The following PHF24 variants were observed in gnomAD, a reference collection of about 807,000 sequenced individuals.
The protein encoded by PHF24 is PHD finger protein 24.
A neutral mutation model predicts 42.6 loss-of-function variants in PHF24; 25 were observed. The observed-to-expected ratio is 0.59, with a 90% CI of 0.43 to 0.82. The LOEUF is 0.82. Among genes scored for constraint, PHF24 ranks in the 40% least tolerant of loss-of-function variants. The pLI, the probability that PHF24 is intolerant of heterozygous loss-of-function variation, is 0.00. For synonymous variants in PHF24, 185 were observed against 204.8 expected (o/e 0.90, Z 0.83); for missense variants, 470 against 538.1 (o/e 0.87, Z 1.25).
At chr9:34,909,470 A>G in the PHF24 span, among the ~76,000 whole-genome samples, 2,848 of 151,634 alleles carry the variant, frequency 0.019, 76 homozygotes, top group Middle Eastern at 0.096. Flanking sequence ...CAATTCCTGT[A>G]TGGTTTCTCA....
exon 8 of PHF24, chr9:34,979,558 G>C (rs1441370565): frequency 1.3e-5 from 2 of 152,282 alleles, no homozygotes; most frequent in South Asian, 2.1e-4. Flanking sequence ...AGCGAGATCT[G>C]ACTACCAAGA....
the PHF24 span, among the ~76,000 whole-genome samples, chr9:34,822,840 T>C: frequency 2.0e-5 from 3 of 152,096 alleles, no homozygotes; most frequent in Admixed American, 6.5e-5. Flanking sequence ...AGAAGAGCCA[T>C]GTGGATCTAT....
At chr9:34,836,860 TG>T in the PHF24 span, among the ~76,000 whole-genome samples, 1 of 152,226 alleles carries the variant, frequency 6.6e-6, no homozygotes, top group East Asian at 1.9e-4. Context: ...TCAGAACTAC[TG>T]TGACCCTGCC....
the PHF24 span, among the ~76,000 whole-genome samples, chr9:34,689,270 G>A: frequency 6.6e-6 from 1 of 152,260 alleles, no homozygotes; most frequent in African/African-American, 2.4e-5. This position sits in a 1 kb window ranked among gnomAD's most constrained non-coding sequence, Gnocchi z 4.1. Context: ...GGCATGAGAC[G>A]CTGGCTCATT....
chr9:34,677,645 G>A, the PHF24 span, among the ~76,000 whole-genome samples: 2 of 152,052 alleles, frequency 1.3e-5, no homozygotes, highest in Non-Finnish European at 2.9e-5. Flanking sequence ...TGATCCACCC[G>A]CCTGGGCCTC....
At chr9:34,815,362 A>T in the PHF24 span, among the ~76,000 whole-genome samples, 3 of 152,124 alleles carry the variant, frequency 2.0e-5, no homozygotes, top group Non-Finnish European at 2.9e-5. Context: ...TCGCTCTGTC[A>T]CCCAGGCTGG....
At chr9:34,826,843 C>G in the PHF24 span, among the ~76,000 whole-genome samples, 1 of 152,178 alleles carries the variant, frequency 6.6e-6, no homozygotes, top group Non-Finnish European at 1.5e-5. Context: ...GTAGTAAATT[C>G]TTGAGTTTAT....
At chr9:34,978,230 A>G in exon 8 of PHF24, 1 of 718,754 alleles carries the variant, frequency 1.4e-6, no homozygotes, top group South Asian at 1.6e-5. Flanking sequence ...CCAGCGTCTT[A>G]ACTTGTCACT....
the PHF24 span, among the ~76,000 whole-genome samples, chr9:34,691,559 A>G: frequency 0.21 from 31,846 of 152,158 alleles, 3,521 homozygotes; most frequent in South Asian, 0.25. Context: ...TGCATCATCA[A>G]CCATGAAGCT....
At chr9:34,975,144 T>C (rs926354083) in intron 3 of PHF24, among the ~76,000 whole-genome samples, 1 of 152,062 alleles carries the variant, frequency 6.6e-6, no homozygotes, top group African/African-American at 2.4e-5. Flanking sequence ...CCTTTTGCCC[T>C]CAGAATAAAG....
chr9:34,785,827 A>G, the PHF24 span, among the ~76,000 whole-genome samples: 380 of 152,280 alleles, frequency 2.5e-3, 1 homozygote, highest in African/African-American at 8.2e-3. Context: ...GTTTCTTTCT[A>G]AAGAGACATT....
the PHF24 span, among the ~76,000 whole-genome samples, chr9:34,756,650 C>T: frequency 2.0e-5 from 3 of 152,086 alleles, no homozygotes; most frequent in Non-Finnish European, 4.4e-5. Context: ...CAGTGTGATG[C>T]CTCCAGCTTT....
chr9:34,851,311 T>G, the PHF24 span, among the ~76,000 whole-genome samples: 2 of 152,056 alleles, frequency 1.3e-5, no homozygotes, highest in Admixed American at 6.5e-5. Flanking sequence ...AATGGCGGGC[T>G]CCCCTCCCCC....
At chr9:34,724,504 C>A in the PHF24 span, 1 of 1,551,666 alleles carries the variant, frequency 6.4e-7, no homozygotes, top group East Asian at 2.4e-5. Flanking sequence ...GTTCCCTGGA[C>A]TTCCTTGCCC....
the PHF24 span, chr9:34,917,962 A>G: frequency 1.3e-6 from 2 of 1,502,656 alleles, no homozygotes; most frequent in Admixed American, 1.7e-5. Flanking sequence ...GCCATGTGGG[A>G]GGAGAATGGT....
At chr9:34,853,994 A>G in the PHF24 span, among the ~76,000 whole-genome samples, 1 of 151,930 alleles carries the variant, frequency 6.6e-6, no homozygotes, top group Non-Finnish European at 1.5e-5. Context: ...TTTCCTCCTA[A>G]TTTAGTCTTG....
chr9:34,969,777 T>G (rs1207773583), intron 1 of PHF24, among the ~76,000 whole-genome samples: 1 of 152,246 alleles, frequency 6.6e-6, no homozygotes, highest in East Asian at 1.9e-4. Flanking sequence ...TTATTCCTGC[T>G]ATCATCATTT....
At chr9:34,829,231 T>C in the PHF24 span, among the ~76,000 whole-genome samples, 82,136 of 152,014 alleles carry the variant, frequency 0.54, 22,909 homozygotes, top group Non-Finnish European at 0.61. Context: ...TGGAATTGCC[T>C]TTAACTGATG....
chr9:34,866,750 C>T, the PHF24 span, among the ~76,000 whole-genome samples: 8 of 152,288 alleles, frequency 5.3e-5, no homozygotes, highest in South Asian at 1.0e-3. Flanking sequence ...AAATCCAGTA[C>T]CTCACTGCAG....
Sources: gnomAD v4.1 joint callset for allele counts (sites outside exome capture counted in the v4.1 genomes callset) on GRCh38, gnomAD v4.1.1 for gene constraint, Gnocchi (gnomAD v3.1) non-coding constraint, MANE v1.5 for transcripts, NCBI Gene and HGNC (gene_info 2026-07-23, HGNC 2026-07-21) for gene names.